Variants in CPNE7 observed in about 807,000 individuals in gnomAD.
The protein encoded by CPNE7 is copine 7.
Under a neutral mutation model 66.5 loss-of-function variants are expected in CPNE7, and 78 were observed. The observed-to-expected ratio is 1.17, with a 90% CI of 0.98 to 1.42. The LOEUF (loss-of-function observed/expected upper bound fraction) is 1.42. Among genes scored for constraint, CPNE7 ranks in the 40% most tolerant of loss-of-function variants. The pLI is 0.00. For synonymous variants in CPNE7, 468 were observed against 336.7 expected, an observed-to-expected ratio of 1.39 and a Z score of -4.27; for missense variants, 1,012 against 776.6, an observed-to-expected ratio of 1.30 and a Z score of -3.60.
chr16:89,582,905 C>G (rs1406999708), intron 2 of CPNE7, among the ~76,000 whole-genome samples: 2 of 152,256 alleles, frequency 1.3e-5, no homozygotes, highest in Admixed American at 1.3e-4. Flanking sequence ...ACGGCCACCC[C>G]GCTTGGCCGG....
intron 2 of CPNE7, among the ~76,000 whole-genome samples, chr16:89,582,407 A>G (rs960127962): frequency 2.0e-5 from 3 of 152,156 alleles, no homozygotes; most frequent in African/African-American, 7.2e-5. Flanking sequence ...TTTCTCTCCT[A>G]AGGACCTGCT....
At chr16:89,585,418 C>A in intron 5 of CPNE7, 46 bp from the exon 6 acceptor site, 1 of 1,388,074 alleles carries the variant, frequency 7.2e-7, no homozygotes, top group South Asian at 1.2e-5. Flanking sequence ...CCCCAAGGAT[C>A]CCAGGGCCCT....
intron 2 of CPNE7, among the ~76,000 whole-genome samples, chr16:89,581,812 G>A (rs556235382): frequency 2.0e-5 from 3 of 152,246 alleles, no homozygotes; most frequent in Non-Finnish European, 4.4e-5. Context: ...ACCTGGCTAC[G>A]TTTTGCATTT....
rs373075261 is a variant in CPNE7 at position 89,585,475 on chromosome 16, C to T, written c.603C>T (p.Asn201=). The change falls in exon 6 of 15, where the codon AAC becomes AAT. Residue 201 remains asparagine (N), a synonymous_variant. Transcript: ENST00000319518. Reference sequence around the variant, plus strand: ...CTCCCGGCCCACAGGTGGTGAAGAACAACCTGAACCCGGTGTGGGAGGCCT... The same window carrying T: ...CTCCCGGCCCACAGGTGGTGAAGAATAACCTGAACCCGGTGTGGGAGGCCT... The part of the protein sequence containing the change: ...QLVYRTEVVK[N]NLNPVWEAFK... 7.9e-5 allele frequency: 128 copies of T among 1,611,632 alleles called. No individual in the cohort carries two copies. In the South Asian group the frequency reaches 1.3e-3, roughly 16 times the overall value.
Position 89,585,497 on chromosome 16 carries a change from G to A in CPNE7, c.625G>A (p.Ala209Thr), listed in dbSNP as rs2059019913. Residue 209 changes from alanine (A) to threonine (T), a missense_variant, in exon 6 of 15, where the codon GCC (alanine) becomes ACC (threonine). Ala to Thr is a moderately conservative substitution (Grantham distance 58, BLOSUM62 0). Coordinates refer to ENST00000319518, the MANE Select transcript of CPNE7 (RefSeq NM_153636.3). ...GAACAACCTGAACCCGGTGTGGGAG[G>A]CCTTCAAAGTCTCTCTGAGTTCCCT... The part of the protein sequence containing the change: ...VKNNLNPVWE[A>T]FKVSLSSLCS... The A allele has an allele frequency of 1.2e-6, 2 of 1,612,296 alleles. No individual in the cohort carries two copies. Among genetic ancestry groups the A allele is most frequent in the African/African-American group, 1.3e-5 (1 of 74,976 alleles).
chr16:89,586,869 G>C (rs2059049113), intron 8 of CPNE7, 113 bp downstream of exon 8: 1 of 1,159,452 alleles, frequency 8.6e-7, no homozygotes, highest in Admixed American at 1.9e-5. Flanking sequence ...CAGCACGTCT[G>C]GGGAGGGGCT....
At chr16:89,595,330 A>C in intron 13 of CPNE7, 37 bp from the exon 14 acceptor site, 2 of 1,509,862 alleles carry the variant, frequency 1.3e-6, no homozygotes, top group Non-Finnish European at 1.8e-6. Context: ...GGGCCATGGC[A>C]GGTGTGGTGT....
chr16:89,595,687 C>A (rs1028809067), intron 14 of CPNE7, 84 bp downstream of exon 14: 1 of 1,222,112 alleles, frequency 8.2e-7, no homozygotes, highest in African/African-American at 1.5e-5. Context: ...AGGCCAGGCT[C>A]ACGCCAGTGG....
chr16:89,584,468 C>A lies in CPNE7; in HGVS notation c.508-306C>A, dbSNP rs1257499003. Reference sequence around the variant, plus strand: ...CGTGGGTGGGCAGAACAGGGTCCAACCCCGCCATGTAGGGCGTCTCCCTGG... The same window carrying A: ...CGTGGGTGGGCAGAACAGGGTCCAAACCCGCCATGTAGGGCGTCTCCCTGG... On this transcript the variant is annotated intron_variant, in intron 4 of 14. Coordinates refer to ENST00000319518, the MANE Select transcript of CPNE7 (RefSeq NM_153636.3). The surrounding 1 kb of genome is among the most constrained non-coding windows in gnomAD (Gnocchi z 6.0). Among the ~76,000 whole-genome samples the A allele has an allele frequency of 6.6e-6, 1 of 152,194 alleles. No homozygotes were observed. Among genetic ancestry groups the A allele is most frequent in the Non-Finnish European group, 1.5e-5 (1 of 68,022 alleles).
rs184652388 is a variant in CPNE7 at position 89,591,704 on chromosome 16, C to G, written c.1302+444C>G. On this transcript the variant is annotated intron_variant, in intron 13 of 14. Coordinates refer to ENST00000319518, the MANE Select transcript of CPNE7 (RefSeq NM_153636.3). ...CCAGCCTGCTGCTTTCTTTTCTTTTCTTTTGTTTTTTGTGAGACAGAGTCT... is the reference window on the plus strand; with the variant it reads ...CCAGCCTGCTGCTTTCTTTTCTTTTGTTTTGTTTTTTGTGAGACAGAGTCT... Among the ~76,000 whole-genome samples the G allele has an allele frequency of 7.1e-4, 108 of 152,166 alleles. 1 individual carries two copies. The highest frequency in any genetic ancestry group is 2.3e-3 in the African/African-American group (94 of 41,536).
Position 89,585,239 on chromosome 16 carries a change from G to A in CPNE7, c.592-225G>A, listed in dbSNP as rs116431961. 4.7e-3 allele frequency among the ~76,000 whole-genome samples: 712 copies of A among 152,328 alleles called. 8 individuals are homozygous for A. Among genetic ancestry groups the A allele is most frequent in the African/African-American group, 0.016 (679 of 41,570 alleles). ...GTGGCTCAGAGGTGGCAGAAGTTAC[G>A]AAGGTGGAGGCACAGGGCTCGGAAA... On this transcript the variant is annotated intron_variant, in intron 5 of 14. Coordinates refer to ENST00000319518, the MANE Select transcript of CPNE7 (RefSeq NM_153636.3).
At chr16:89,583,413 A>C (rs1277420616) in intron 2 of CPNE7, 2 of 1,544,630 alleles carry the variant, frequency 1.3e-6, no homozygotes, top group Admixed American at 3.9e-5. Flanking sequence ...CCTGGCTTCC[A>C]CCTGAGCCTG....
rs527953052 is a variant in CPNE7 at position 89,586,597 on chromosome 16, G to T, written c.781-73G>T. ...CCCTCTGCCGTCGCTATTGGGGATG[G>T]TCTTGGGTAGGGTCTCCCTGGTAGG... On this transcript the variant is annotated intron_variant, in intron 7 of 14. Coordinates refer to ENST00000319518, the MANE Select transcript of CPNE7 (RefSeq NM_153636.3). 7.3e-5 allele frequency: 94 copies of T among 1,281,660 alleles called. No individual in the cohort carries two copies. The African/African-American group carries it at 1.1e-3, about 14-fold the overall frequency. The allele number at this position is 1,281,660 out of a possible 1,614,324, so 79.4% of individuals were successfully genotyped here. A position where few individuals can be genotyped will look rare whatever the true frequency, so the allele number is the denominator to read the frequency against.
chr16:89,590,020 C>G, intron 11 of CPNE7, 69 bp downstream of exon 11: 1 of 1,571,910 alleles, frequency 6.4e-7, no homozygotes, highest in South Asian at 1.1e-5. Context: ...AGAGGACGGC[C>G]TGGCCCAGGG....
Position 89,585,788 on chromosome 16 carries a change from GA to G in CPNE7, c.780+4del. 6.8e-7 allele frequency: 1 copy of G among 1,460,966 alleles called. No homozygotes were observed. 90.5% of individuals were successfully genotyped at this position (1,460,966 alleles called of 1,614,324 possible). Reference sequence around the variant, plus strand: ...AGAAGGCCTTTGAGGAGGGGCAGGTGAGCAGGACGGGGTAGGGGGTCCTCCA... The same window carrying G: ...AGAAGGCCTTTGAGGAGGGGCAGGTGGCAGGACGGGGTAGGGGGTCCTCCA... On this transcript the variant is annotated splice_donor_region_variant and intron_variant, in intron 7 of 14. Coordinates refer to ENST00000319518, the MANE Select transcript of CPNE7 (RefSeq NM_153636.3).
chr16:89,595,435 T>C lies in CPNE7; in HGVS notation c.1371T>C (p.Ile457=), dbSNP rs1175142338. 2 of 1,608,982 alleles carry C rather than the reference T, an allele frequency of 1.2e-6. 1 individual carries two copies. Among genetic ancestry groups the C allele is most frequent in the Admixed American group, 3.3e-5 (2 of 59,858 alleles). ...ACATGGCCGACACACGGGAGGCCAT[T>C]GTGCGTGCCTCACGCCTGCCCATGT... ...VTDMADTREA[I]VRASRLPMSI... Residue 457 remains isoleucine, a synonymous_variant, in exon 14 of 15, where the codon ATT becomes ATC. Coordinates refer to ENST00000319518, the MANE Select transcript of CPNE7 (RefSeq NM_153636.3).
At chr16:89,587,015 G>T (rs771967211) in intron 8 of CPNE7, 28 bp from the exon 9 acceptor site, 4 of 1,567,902 alleles carry the variant, frequency 2.6e-6, no homozygotes, top group South Asian at 1.2e-5. Flanking sequence ...CCCTGGCGGG[G>T]GTGGACGCTG....
chr16:89,582,270 G>A (rs2058967697), intron 2 of CPNE7, among the ~76,000 whole-genome samples: 1 of 152,204 alleles, frequency 6.6e-6, no homozygotes, highest in African/African-American at 2.4e-5. Flanking sequence ...GTTTCCTCAT[G>A]TGATTCAAGT....
chr16:89,581,287 TCA>T lies in CPNE7; in HGVS notation c.358-2405_358-2404del, dbSNP rs534330703. ...GTCACACGGAACATCCTGTCACCAG[TCA>T]CACAGAACATCCCGTCACCCATCAC... On this transcript the variant is annotated intron_variant, in intron 2 of 14. Transcript: ENST00000319518. 1.1e-3 allele frequency among the ~76,000 whole-genome samples: 149 copies of T among 132,572 alleles called. No individual in the cohort carries two copies. In the Middle Eastern group the frequency reaches 0.013, roughly 11 times the overall value. 87.0% of individuals were successfully genotyped at this position (132,572 alleles called of 152,430 possible). A position where few individuals can be genotyped will look rare whatever the true frequency, so the allele number is the denominator to read the frequency against.
Sources: gnomAD v4.1 joint callset for allele counts (sites outside exome capture counted in the v4.1 genomes callset) on GRCh38, gnomAD v4.1.1 for gene constraint, Gnocchi (gnomAD v3.1) non-coding constraint, MANE v1.5 for transcripts, NCBI Gene and HGNC (gene_info 2026-07-23, HGNC 2026-07-21) for gene names.